The following NEBL variants were observed in gnomAD, a reference collection of about 807,000 sequenced individuals.
NEBL encodes LIM and SH3 protein 2.
A neutral mutation model predicts 140.2 loss-of-function variants in NEBL; 122 were observed. That is an observed-to-expected ratio of 0.87 (90% CI 0.75 to 1.01). The LOEUF (loss-of-function observed/expected upper bound fraction) is 1.01. Ranked by LOEUF, NEBL falls within the 50% of genes least tolerant of loss-of-function variation. The probability of loss-of-function intolerance (pLI) is 0.00; values close to 1 mark genes in which losing one functional copy is unlikely to be tolerated. For synonymous variants in NEBL, 436 were observed against 398.9 expected (o/e 1.09, Z -1.11); for missense variants, 1,365 against 1,231.3 (o/e 1.11, Z -1.62).
intron 3 of NEBL, among the ~76,000 whole-genome samples, chr10:20,981,194 A>G (rs11012449): frequency 0.16 from 24,860 of 152,114 alleles, 3,501 homozygotes; most frequent in East Asian, 0.39. Context: ...GATGTGTCCT[A>G]AAGATAGAGA....
chr10:20,855,583 C>G (rs968997150), intron 9 of NEBL, among the ~76,000 whole-genome samples: 1 of 151,566 alleles, frequency 6.6e-6, no homozygotes, highest in African/African-American at 2.4e-5. Context: ...ACTTCGAATG[C>G]GTGTCTTTCC....
chr10:20,829,877 G>T (rs1840240362), intron 16 of NEBL, among the ~76,000 whole-genome samples: 1 of 152,236 alleles, frequency 6.6e-6, no homozygotes, highest in Non-Finnish European at 1.5e-5. Flanking sequence ...CAAGAGCAAA[G>T]CCATGTCTAG....
At chr10:21,282,275 T>G (rs934585325) in intron 1 of NEBL, among the ~76,000 whole-genome samples, 5 of 152,136 alleles carry the variant, frequency 3.3e-5, no homozygotes, top group African/African-American at 1.2e-4. Context: ...AGAGCAGCAA[T>G]CCAGGCCTTG....
intron 3 of NEBL, among the ~76,000 whole-genome samples, chr10:21,200,307 A>ATTT (rs1841712316): frequency 3.0e-5 from 2 of 66,988 alleles, no homozygotes; most frequent in African/African-American, 8.1e-5. Flanking sequence ...ATTCCAAGGG[A>ATTT]CTTTTTTTTT....
intron 26 of NEBL, among the ~76,000 whole-genome samples, chr10:20,805,852 CAAA>C (rs11298619): frequency 1.4e-5 from 2 of 141,456 alleles, no homozygotes; most frequent in Non-Finnish European, 1.6e-5. Context: ...GACTCCGTCT[CAAA>C]AAAAAAAAAA....
At chr10:21,050,235 A>T (rs776361062) in intron 2 of NEBL, among the ~76,000 whole-genome samples, 15 of 152,254 alleles carry the variant, frequency 9.9e-5, no homozygotes, top group Non-Finnish European at 8.8e-5. Context: ...TTCTGATTTT[A>T]CTTTTTCTGT....
intron 3 of NEBL, among the ~76,000 whole-genome samples, chr10:21,231,613 C>T (rs1035564491): frequency 6.6e-6 from 1 of 151,374 alleles, no homozygotes; most frequent in Admixed American, 6.6e-5. Context: ...GGCAAGGGAA[C>T]AGTATTACAG....
chr10:21,177,676 C>T (rs540656000), upstream of NEBL, among the ~76,000 whole-genome samples: 8 of 151,922 alleles, frequency 5.3e-5, no homozygotes, highest in Non-Finnish European at 1.2e-4. Flanking sequence ...ACTACAGGTG[C>T]CCACCACCAC....
intron 3 of NEBL, among the ~76,000 whole-genome samples, chr10:21,189,623 C>T (rs1432348926): frequency 2.6e-5 from 4 of 151,098 alleles, no homozygotes; most frequent in Non-Finnish European, 5.9e-5. Context: ...CGCCACCGCG[C>T]CCAGCTAATT....
intron 3 of NEBL, among the ~76,000 whole-genome samples, chr10:20,994,208 T>C (rs1171347549): frequency 6.6e-6 from 1 of 152,236 alleles, no homozygotes; most frequent in Non-Finnish European, 1.5e-5. Context: ...ACCTTTTCAC[T>C]GAGTCATTTA....
chr10:21,074,394 C>G (rs1020999391), intron 2 of NEBL, among the ~76,000 whole-genome samples: 5 of 152,182 alleles, frequency 3.3e-5, no homozygotes, highest in African/African-American at 1.2e-4. Flanking sequence ...TCATCCACTT[C>G]ACAGAGGATG....
chr10:20,899,923 T>C (rs1229481895), upstream of NEBL, among the ~76,000 whole-genome samples: 1 of 152,168 alleles, frequency 6.6e-6, no homozygotes, highest in Non-Finnish European at 1.5e-5. Context: ...TCACCTATAA[T>C]ATAAAATTCA....
intron 2 of NEBL, among the ~76,000 whole-genome samples, chr10:21,041,426 A>G (rs1043450500): frequency 5.9e-5 from 9 of 152,208 alleles, no homozygotes; most frequent in Non-Finnish European, 1.2e-4. Context: ...CAACATCATC[A>G]TCACCACTAA....
At position 20,812,913 on chromosome 10, in the gene NEBL, T is replaced by A; in HGVS notation, c.2374A>T (p.Thr792Ser). The change falls in exon 24 of 28, where the codon ACA (threonine) becomes TCA (serine). Residue 792 changes from threonine (T) to serine (S), a missense_variant. Thr to Ser is a moderately conservative substitution (Grantham distance 58, BLOSUM62 1). Coordinates refer to ENST00000377122, the MANE Select transcript of NEBL (RefSeq NM_006393.3). ...MVKYHEDFEK[T>S]KGRGFTPVVD... ...ACGGGAGTAAAGCCTCTCCCCTTTG[T>A]TTTTTCAAAATCTTCATGGTATTTT... The A allele has an allele frequency of 6.2e-7, 1 of 1,613,926 alleles. No individual in the cohort carries two copies. Among genetic ancestry groups the A allele is most frequent in the Non-Finnish European group, 8.5e-7 (1 of 1,179,920 alleles).
At chr10:21,037,684 T>C (rs1469029983) in intron 2 of NEBL, among the ~76,000 whole-genome samples, 1 of 152,108 alleles carries the variant, frequency 6.6e-6, no homozygotes, top group African/African-American at 2.4e-5. Flanking sequence ...TAAATTTTAC[T>C]CTACATAAAA....
At chr10:21,187,561 C>T (rs926573423) in intron 3 of NEBL, among the ~76,000 whole-genome samples, 3 of 151,670 alleles carry the variant, frequency 2.0e-5, no homozygotes, top group East Asian at 3.9e-4. Context: ...TCACCCAGGC[C>T]GGAATGCAGT....
At chr10:20,851,496 C>T (rs566802499) in intron 10 of NEBL, among the ~76,000 whole-genome samples, 30 of 151,988 alleles carry the variant, frequency 2.0e-4, no homozygotes, top group South Asian at 1.0e-3. Context: ...TGTGAAATGG[C>T]CGGGTGCAGT....
intron 2 of NEBL, among the ~76,000 whole-genome samples, chr10:21,148,569 G>A (rs191891672): frequency 3.3e-5 from 5 of 152,020 alleles, no homozygotes; most frequent in South Asian, 2.1e-4. Flanking sequence ...CTCTGTTGCC[G>A]GGCTGGAGTG....
At chr10:21,230,032 C>G (rs1173418930) in intron 3 of NEBL, among the ~76,000 whole-genome samples, 1 of 152,224 alleles carries the variant, frequency 6.6e-6, no homozygotes, top group Non-Finnish European at 1.5e-5. Context: ...GTTCATGGTT[C>G]ATCAGATAAT....
Sources: gnomAD v4.1 joint callset for allele counts (sites outside exome capture counted in the v4.1 genomes callset) on GRCh38, gnomAD v4.1.1 for gene constraint, MANE v1.5 for transcripts, NCBI Gene and HGNC (gene_info 2026-07-23, HGNC 2026-07-21) for gene names.